The following NEB variants were observed in gnomAD, a reference collection of about 807,000 sequenced individuals.
NEB encodes nemaline myopathy type 2.
Under a neutral mutation model 952.2 loss-of-function variants are expected in NEB, and 512 were observed. The ratio of observed to expected loss-of-function variants is 0.54; its 90% confidence interval spans 0.50 to 0.58. The LOEUF is 0.58. Ranked by LOEUF, NEB falls within the 20% of genes least tolerant of loss-of-function variation. The pLI, the probability that NEB is intolerant of heterozygous loss-of-function variation, is 0.00. For synonymous variants in NEB, 2,900 were observed against 3,149.8 expected, an observed-to-expected ratio of 0.92 and a Z score of 2.66; for missense variants, 8,428 against 9,231.1, an observed-to-expected ratio of 0.91 and a Z score of 3.56.
At chr2:151,512,905 AT>A in intron 160 of NEB, 68 bp from the exon 161 acceptor site, 1 of 1,032,200 alleles carries the variant, frequency 9.7e-7, no homozygotes, top group Non-Finnish European at 1.5e-6. Flanking sequence ...GCTTGATTTG[AT>A]TAAGAGGTGA....
intron 46 of NEB, among the ~76,000 whole-genome samples, chr2:151,660,358 G>GTGTA (rs371691551): frequency 7.0e-4 from 107 of 152,082 alleles, no homozygotes; most frequent in Middle Eastern, 3.4e-3. Flanking sequence ...ATATTCTTGT[G>GTGTA]TGTATGTATG....
chr2:151,507,955 A>C, intron 162 of NEB, 50 bp downstream of exon 162: 1 of 1,358,734 alleles, frequency 7.4e-7, no homozygotes, highest in Non-Finnish European at 1.0e-6. Context: ...CATCTTCCTC[A>C]GCACCCCTAG....
chr2:151,530,692 C>G (rs1480362282), intron 145 of NEB: 1 of 262,256 alleles, frequency 3.8e-6, no homozygotes, highest in Non-Finnish European at 7.2e-6. Flanking sequence ...GTTCCTGTCT[C>G]GTCTACACAA....
intron 153 of NEB, among the ~76,000 whole-genome samples, chr2:151,523,071 C>T (rs530610541): frequency 2.6e-5 from 4 of 152,206 alleles, no homozygotes; most frequent in East Asian, 1.9e-4. Context: ...ACATCATAGT[C>T]GTTTGTTTTT....
intron 78 of NEB, 48 bp from the exon 79 acceptor site, chr2:151,610,914 G>C (rs1436652118): frequency 1.6e-6 from 2 of 1,214,578 alleles, no homozygotes; most frequent in Non-Finnish European, 2.3e-6. Flanking sequence ...GGGAGTATAA[G>C]ACCTTCTGTT....
Position 151,650,190 on chromosome 2 carries a change from T to C in NEB, c.7417A>G (p.Lys2473Glu), listed in dbSNP as rs762954829. The stretch of plus-strand genomic sequence containing the variant: ...GTGCTACTCACATCACTCCTATTTT[T>C]GGCATTTGTCTTTGCCAGAACTATA... ...MDIVLAKTNA[K>E]NRSDRLYREA... is the part of the protein sequence containing the mutation. Residue 2473 changes from lysine (K) to glutamate (E), a missense_variant, in exon 54 of 182, where the codon AAA becomes GAA. Around this residue, in one of 11 missense-constraint regions of NEB, gnomAD observed 1,772 missense variants for 1,960.3 expected, o/e 0.90. Transcript: ENST00000397345. The C allele has an allele frequency of 6.2e-7, 1 of 1,613,870 alleles. No individual in the cohort carries two copies. Among genetic ancestry groups the C allele is most frequent in the Non-Finnish European group, 8.5e-7 (1 of 1,179,780 alleles).
rs1195314340 is a variant in NEB, at chr2:151,534,116, G to A, written c.21313-570C>T. The A allele has an allele frequency of 4.5e-6, 4 of 886,394 alleles. No individual in the cohort carries two copies. In the African/African-American group the frequency reaches 6.7e-5, roughly 15 times the overall value. 54.9% of individuals were successfully genotyped at this position (886,394 alleles called of 1,614,324 possible). On this transcript the variant is annotated intron_variant, in intron 142 of 181. Coordinates refer to ENST00000397345, the MANE Select transcript of NEB (RefSeq NM_001164508.2). ...TGAAACAGAACAACCCAATATCATA[G>A]GCAGAACCTATGACATCCTTGCAGC...
chr2:151,524,562 G>C lies in NEB; in HGVS notation c.22327C>G (p.Arg7443Gly), dbSNP rs1576203853. The C allele has an allele frequency of 2.5e-6, 4 of 1,611,736 alleles. No individual in the cohort carries two copies. The South Asian group carries it at 3.3e-5, about 13-fold the overall frequency. ...TGTGTGGCCTTCTTGATGTCTGGTC[G>C]ATCAGCCACTGTGGTGTAATGCAGG... ...ENLHYTTVAD[R>G]PDIKKATQAA... The change falls in exon 152 of 182, where the codon CGA becomes GGA. Residue 7443 changes from arginine to glycine, a missense_variant. Arg to Gly is a moderately radical substitution (Grantham distance 125). Transcript: ENST00000397345.
In NEB at chr2:151,525,265, G is replaced by C. The variant is rs748922882; in HGVS notation, c.22170C>G (p.Tyr7390Ter). The part of the protein sequence containing the change: ...EVTKHVSDTN[Y>*]KKKFVKEKGK... ...CTTTCTCCTTGACAAACTTCTTTTT[G>C]TAATTTGTCTAAATAGAGCCAGAAT... Residue 7390 changes from tyrosine to a stop codon, truncating the protein, a stop_gained, in exon 151 of 182, where the codon TAC (tyrosine) becomes TAG (stop). Transcript: ENST00000397345. LOFTEE classifies it high-confidence loss of function. The C allele has an allele frequency of 2.5e-6, 4 of 1,610,388 alleles. No homozygotes were observed. Among genetic ancestry groups the C allele is most frequent in the Admixed American group, 3.3e-5 (2 of 60,000 alleles).
chr2:151,594,871 T>A (rs1421710193), intron 92 of NEB, among the ~76,000 whole-genome samples: 1 of 43,730 alleles, frequency 2.3e-5, no homozygotes, highest in African/African-American at 1.1e-4. Flanking sequence ...CATACGTGTG[T>A]GGTTTTGGAA....
chr2:151,595,155 T>C (rs1194580742), intron 92 of NEB, among the ~76,000 whole-genome samples: 143 of 139,348 alleles, frequency 1.0e-3, no homozygotes, highest in Non-Finnish European at 1.5e-3. Context: ...GGCTACATGA[T>C]GAAAATCAGA....
Position 151,503,414 on chromosome 2 carries a change from C to T in NEB, c.23770G>A (p.Gly7924Ser), listed in dbSNP as rs369602540. 16 of 1,612,290 alleles carry T rather than the reference C, an allele frequency of 9.9e-6. No homozygotes were observed. In the African/African-American group the frequency reaches 2.0e-4, roughly 20 times the overall value. ...TCTGGAGTCACAGTGGTTGGAATGC[C>T]TGTTCCCAAGTTTTCTTTGTACATA... ...SVMYKENLGTGIPTTVTPEIE... is the reference protein window; with the variant it reads ...SVMYKENLGTSIPTTVTPEIE... The change falls in exon 166 of 182, where the codon GGC becomes AGC. Residue 7924 changes from glycine to serine, a missense_variant. Physicochemically the swap from Gly to Ser is moderately conservative, Grantham distance 56. Around this residue, in one of 11 missense-constraint regions of NEB, gnomAD observed 3,374 missense variants for 3,651.5 expected, o/e 0.92. Coordinates refer to ENST00000397345, the MANE Select transcript of NEB (RefSeq NM_001164508.2).
chr2:151,535,007 G>A (rs962065086), intron 142 of NEB, among the ~76,000 whole-genome samples: 5 of 152,022 alleles, frequency 3.3e-5, no homozygotes, highest in Non-Finnish European at 7.3e-5. Flanking sequence ...TACAGAAACT[G>A]TAAAAAATCT....
intron 39 of NEB, 137 bp from the exon 40 acceptor site, chr2:151,668,048 G>A: frequency 1.6e-6 from 1 of 635,648 alleles, no homozygotes; most frequent in East Asian, 2.8e-5. Context: ...AGGACTATTA[G>A]TTTGTCTTTT....
chr2:151,553,317 C>T (rs2095444749), intron 127 of NEB, 81 bp downstream of exon 127: 8 of 1,161,292 alleles, frequency 6.9e-6, no homozygotes, highest in Middle Eastern at 1.9e-4. Context: ...GTGACAATGT[C>T]CCTATTTTAC....
intron 5 of NEB, 132 bp from the exon 6 acceptor site, chr2:151,725,692 C>A: frequency 1.5e-6 from 1 of 658,230 alleles, no homozygotes; most frequent in East Asian, 2.8e-5. Flanking sequence ...CTTTTTGTCC[C>A]CTACCCCAAC....
intron 175 of NEB, 150 bp from the exon 176 acceptor site, chr2:151,493,595 TTAAG>T (rs2058199756): frequency 4.0e-6 from 3 of 753,954 alleles, no homozygotes; most frequent in Non-Finnish European, 4.2e-6. Context: ...AAGCAAAAGT[TTAAG>T]AAAGAAGTAA....
chr2:151,619,203 A>G (rs562747897), intron 73 of NEB, among the ~76,000 whole-genome samples: 1 of 152,356 alleles, frequency 6.6e-6, no homozygotes, highest in South Asian at 2.1e-4. Context: ...AAACAAAGGA[A>G]GCCTGAATCC....
intron 35 of NEB, 121 bp downstream of exon 35, chr2:151,675,166 T>A (rs1445230583): frequency 1.3e-6 from 1 of 757,282 alleles, no homozygotes; most frequent in African/African-American, 1.7e-5. Context: ...ATGGGATATG[T>A]TCCAGTAGGG....
Sources: gnomAD v4.1 joint callset for allele counts (sites outside exome capture counted in the v4.1 genomes callset) on GRCh38, gnomAD v4.1.1 for gene constraint, gnomAD v4.1.1 regional missense constraint, MANE v1.5 for transcripts, NCBI Gene and HGNC (gene_info 2026-07-23, HGNC 2026-07-21) for gene names.